DLG2: variants seen among roughly 807,000 people sequenced by gnomAD.
DLG2 encodes disks large homolog 2.
A neutral mutation model predicts 132.5 loss-of-function variants in DLG2; 45 were observed. The observed-to-expected ratio is 0.34, with a 90% CI of 0.27 to 0.44. The LOEUF is 0.44. Ranked by LOEUF, DLG2 falls within the 20% of genes least tolerant of loss-of-function variation. The pLI is 1.00. For synonymous variants in DLG2, 424 were observed against 419.6 expected (o/e 1.01, Z -0.13); for missense variants, 1,045 against 1,196.9 (o/e 0.87, Z 1.87).
intron 21 of DLG2, among the ~76,000 whole-genome samples, chr11:83,506,058 T>C (rs2094682315): frequency 6.6e-6 from 1 of 152,202 alleles, no homozygotes; most frequent in Non-Finnish European, 1.5e-5. Context: ...GGAATGCTGC[T>C]GTGCACGGCC....
At chr11:84,960,518 C>G (rs2052397474) in intron 6 of DLG2, among the ~76,000 whole-genome samples, 1 of 151,790 alleles carries the variant, frequency 6.6e-6, no homozygotes, top group Non-Finnish European at 1.5e-5. Context: ...TCACTGCAAC[C>G]TCCGCCTCCT....
At chr11:85,009,017 A>C (rs921106564) in intron 6 of DLG2, among the ~76,000 whole-genome samples, 2 of 152,028 alleles carry the variant, frequency 1.3e-5, no homozygotes, top group East Asian at 3.8e-4. Flanking sequence ...AGAAAAGATG[A>C]CAAATACAAA....
intron 18 of DLG2, among the ~76,000 whole-genome samples, chr11:83,747,267 CT>C: frequency 6.7e-6 from 1 of 148,600 alleles, no homozygotes; most frequent in African/African-American, 2.5e-5. Context: ...TTTTAATTTG[CT>C]TTAAAATCTT....
intron 10 of DLG2, among the ~76,000 whole-genome samples, chr11:84,066,754 T>C (rs1037005863): frequency 1.3e-5 from 2 of 151,596 alleles, no homozygotes; most frequent in Non-Finnish European, 1.5e-5. Context: ...AGGGCAAAAC[T>C]CCATCTAAAA....
chr11:84,746,719 A>G (rs149167312), intron 6 of DLG2, among the ~76,000 whole-genome samples: 189 of 152,352 alleles, frequency 1.2e-3, no homozygotes, highest in African/African-American at 4.4e-3. Flanking sequence ...AGAAAAGACA[A>G]TAATTCAAAC....
intron 6 of DLG2, among the ~76,000 whole-genome samples, chr11:84,826,994 G>A (rs1037143174): frequency 6.6e-6 from 1 of 151,800 alleles, no homozygotes; most frequent in African/African-American, 2.4e-5. Context: ...CTGGATTGAA[G>A]AGTATTAACA....
chr11:84,914,097 G>A (rs746454378), intron 6 of DLG2, among the ~76,000 whole-genome samples: 3 of 152,116 alleles, frequency 2.0e-5, no homozygotes, highest in Non-Finnish European at 4.4e-5. Flanking sequence ...TGTAAATCTA[G>A]TTATACCTAT....
At chr11:84,274,692 A>C (rs1195997811) in intron 7 of DLG2, among the ~76,000 whole-genome samples, 1 of 152,216 alleles carries the variant, frequency 6.6e-6, no homozygotes, top group East Asian at 1.9e-4. Context: ...TGAAAAGTAG[A>C]ACTGATCTTT....
intron 6 of DLG2, among the ~76,000 whole-genome samples, chr11:84,892,846 C>T (rs545482260): frequency 3.3e-5 from 5 of 151,928 alleles, no homozygotes; most frequent in Admixed American, 3.3e-4. Flanking sequence ...ACTTGCCAAC[C>T]CTAGCAACTT....
intron 6 of DLG2, among the ~76,000 whole-genome samples, chr11:84,818,005 T>C (rs1447433321): frequency 6.6e-6 from 1 of 152,020 alleles, no homozygotes. Flanking sequence ...TCCTGAGTAC[T>C]AGCATATGCC....
chr11:84,923,061 G>A (rs778221231), intron 6 of DLG2: 2 of 1,613,932 alleles, frequency 1.2e-6, no homozygotes, highest in East Asian at 2.2e-5. Flanking sequence ...CCAGTTGCCG[G>A]CTCGCCTCCT....
At chr11:83,599,878 G>A (rs2058243893) in intron 19 of DLG2, among the ~76,000 whole-genome samples, 1 of 152,196 alleles carries the variant, frequency 6.6e-6, no homozygotes, top group South Asian at 2.1e-4. Context: ...TGCATGAGGG[G>A]CTGTAGAGAT....
At chr11:84,237,388 C>T (rs74446333) in intron 8 of DLG2, among the ~76,000 whole-genome samples, 7,358 of 152,198 alleles carry the variant, frequency 0.048, 273 homozygotes, top group Non-Finnish European at 0.076. Context: ...GATTATAATG[C>T]GCTATTGTTT....
intron 7 of DLG2, among the ~76,000 whole-genome samples, chr11:84,385,804 T>C (rs953859399): frequency 6.6e-6 from 1 of 152,090 alleles, no homozygotes; most frequent in Non-Finnish European, 1.5e-5. Flanking sequence ...GCTCGATAAA[T>C]CTTAAATGAA....
intron 6 of DLG2, among the ~76,000 whole-genome samples, chr11:84,701,971 T>A (rs2059273950): frequency 6.6e-6 from 1 of 151,666 alleles, no homozygotes; most frequent in South Asian, 2.1e-4. Context: ...TGAACTCTAA[T>A]GGAATTACCA....
rs568250906 is a variant in DLG2 at position 84,613,564 on chromosome 11, T to A, written c.358-78833A>T. ...ATTGACAAAACACAGGTAACAGTTA[T>A]CATGGTGCCCTGCACATAGTGACCA... On this transcript the variant is annotated intron_variant, in intron 6 of 27. Coordinates refer to ENST00000376104, the MANE Select transcript of DLG2 (RefSeq NM_001142699.3). 2.6e-5 allele frequency among the ~76,000 whole-genome samples: 4 copies of A among 152,196 alleles called. 1 individual carries two copies. The highest frequency in any genetic ancestry group is 5.9e-5 in the Non-Finnish European group (4 of 68,030).
At chr11:85,005,237 A>G (rs574529196) in intron 6 of DLG2, among the ~76,000 whole-genome samples, 1 of 152,184 alleles carries the variant, frequency 6.6e-6, no homozygotes, top group Non-Finnish European at 1.5e-5. Context: ...TATGAAATTT[A>G]AAGTAGCTTT....
intron 3 of DLG2, among the ~76,000 whole-genome samples, chr11:85,482,336 A>G (rs182347734): frequency 7.3e-4 from 111 of 152,268 alleles, no homozygotes; most frequent in African/African-American, 2.6e-3. Context: ...GGCCTTAAAC[A>G]GCAGGCAGGC....
intron 6 of DLG2, among the ~76,000 whole-genome samples, chr11:84,824,107 T>C (rs4511292): frequency 0.28 from 42,008 of 151,774 alleles, 6,288 homozygotes; most frequent in Middle Eastern, 0.33. Context: ...TGTATGTCCC[T>C]CTCACCAATA....
Sources: gnomAD v4.1 joint callset for allele counts (sites outside exome capture counted in the v4.1 genomes callset) on GRCh38, gnomAD v4.1.1 for gene constraint, MANE v1.5 for transcripts, NCBI Gene and HGNC (gene_info 2026-07-23, HGNC 2026-07-21) for gene names.